The following SPACA7 variants were observed in gnomAD, a reference collection of about 807,000 sequenced individuals.
SPACA7 encodes the protein sperm acrosome associated 7.
SPACA7 carries 19 observed loss-of-function variants against 26.3 expected under a neutral mutation model. That is an observed-to-expected ratio of 0.72 (90% CI 0.50 to 1.06). SPACA7 has a LOEUF of 1.06. SPACA7 is among the 50% of genes least tolerant of loss of function. The pLI, the probability that SPACA7 is intolerant of heterozygous loss-of-function variation, is 0.00. For missense variants in SPACA7, 211 were observed against 229.9 expected, an observed-to-expected ratio of 0.92 and a Z score of 0.53; for synonymous variants, 84 against 84.5, an observed-to-expected ratio of 0.99 and a Z score of 0.04.
intron 5 of SPACA7, among the ~76,000 whole-genome samples, chr13:112,410,235 A>G (rs1174280575): frequency 2.0e-5 from 3 of 152,124 alleles, no homozygotes; most frequent in Admixed American, 1.3e-4. Context: ...GGGATGGGGG[A>G]GGGATAGCAT....
chr13:112,383,490 T>C (rs1884340030), intron 1 of SPACA7, among the ~76,000 whole-genome samples: 1 of 152,252 alleles, frequency 6.6e-6, no homozygotes, highest in Non-Finnish European at 1.5e-5. Context: ...ACTAGAATAA[T>C]TATTTTTCAC....
chr13:112,410,372 A>ATAT (rs1555328390), intron 5 of SPACA7, among the ~76,000 whole-genome samples: 1 of 151,450 alleles, frequency 6.6e-6, no homozygotes, highest in African/African-American at 2.4e-5. Context: ...CAATTAAAAA[A>ATAT]ATATATATAT....
At chr13:112,385,542 T>G (rs1884470875) in intron 1 of SPACA7, among the ~76,000 whole-genome samples, 1 of 152,184 alleles carries the variant, frequency 6.6e-6, no homozygotes, top group Non-Finnish European at 1.5e-5. Flanking sequence ...CCTCTCCACA[T>G]GTCTCCAGGC....
intron 5 of SPACA7, among the ~76,000 whole-genome samples, chr13:112,403,306 G>T (rs1369311244): frequency 6.6e-6 from 1 of 151,876 alleles, no homozygotes; most frequent in Non-Finnish European, 1.5e-5. Context: ...AAACTTACTT[G>T]TTTCCATTGT....
intron 1 of SPACA7, chr13:112,382,246 T>G: frequency 1.8e-6 from 1 of 560,398 alleles, no homozygotes; most frequent in Non-Finnish European, 3.0e-6. Context: ...CTTAATCTTT[T>G]TTGTTGTTTT....
intron 5 of SPACA7, among the ~76,000 whole-genome samples, chr13:112,424,466 G>A (rs1298892982): frequency 6.6e-6 from 1 of 152,178 alleles, no homozygotes; most frequent in Non-Finnish European, 1.5e-5. Context: ...TTTCTCTGAT[G>A]AGAACAGAAT....
chr13:112,387,458 G>A (rs547209722), intron 1 of SPACA7, among the ~76,000 whole-genome samples: 2 of 152,304 alleles, frequency 1.3e-5, no homozygotes, highest in East Asian at 1.9e-4. Flanking sequence ...AACACAGAAA[G>A]ACAAATTCTT....
intron 5 of SPACA7, 94 bp from the exon 6 acceptor site, chr13:112,432,350 C>T (rs1877238783): frequency 1.0e-6 from 1 of 1,001,600 alleles, no homozygotes; most frequent in Non-Finnish European, 1.6e-6. Flanking sequence ...CTGCTTTGCT[C>T]AGCGCTTACG....
rs182353824 is a variant in SPACA7 at position 112,383,881 on chromosome 13, C to T, written c.94+7402C>T. ...CAAAAGAAAACAGATTTTTATTGCA[C>T]TTATGCAATTAACTATACTGCCATA... On this transcript the variant is annotated intron_variant, in intron 1 of 6. Coordinates refer to ENST00000283550, the MANE Select transcript of SPACA7 (RefSeq NM_145248.5). Among the ~76,000 whole-genome samples the T allele has an allele frequency of 2.6e-5, 4 of 152,334 alleles. No homozygotes were observed. In the East Asian group the frequency reaches 5.8e-4, roughly 22 times the overall value.
intron 6 of SPACA7, among the ~76,000 whole-genome samples, chr13:112,433,035 G>C (rs1472252914): frequency 6.6e-6 from 1 of 152,112 alleles, no homozygotes; most frequent in African/African-American, 2.4e-5. Context: ...TTCTGTCCCT[G>C]GCCCCAGGCT....
At chr13:112,397,086 G>A (rs577768950) in intron 2 of SPACA7, among the ~76,000 whole-genome samples, 7 of 152,230 alleles carry the variant, frequency 4.6e-5, no homozygotes, top group South Asian at 4.1e-4. Flanking sequence ...GGGACAGCGC[G>A]GCTGCTGGGT....
chr13:112,424,517 G>T (rs1218660141), intron 5 of SPACA7, among the ~76,000 whole-genome samples: 1 of 152,084 alleles, frequency 6.6e-6, no homozygotes, highest in African/African-American at 2.4e-5. Flanking sequence ...GTGTTGGGGG[G>T]CTTGGTGCTT....
chr13:112,428,450 G>A (rs1876750086), intron 5 of SPACA7, among the ~76,000 whole-genome samples: 1 of 151,954 alleles, frequency 6.6e-6, no homozygotes, highest in Non-Finnish European at 1.5e-5. Flanking sequence ...CTTGGTGGTG[G>A]GCACCAGTAA....
At chr13:112,427,620 A>G (rs1426189098) in intron 5 of SPACA7, among the ~76,000 whole-genome samples, 1 of 152,218 alleles carries the variant, frequency 6.6e-6, no homozygotes, top group Non-Finnish European at 1.5e-5. Flanking sequence ...ATATGAAATG[A>G]ATATTATTTC....
intron 5 of SPACA7, among the ~76,000 whole-genome samples, chr13:112,404,889 T>C (rs1885875466): frequency 6.6e-6 from 1 of 152,144 alleles, no homozygotes; most frequent in Admixed American, 6.5e-5. Flanking sequence ...AGTCTTGCTT[T>C]GGCTATGCAA....
chr13:112,415,843 G>A (rs75469799), intron 5 of SPACA7, among the ~76,000 whole-genome samples: 2,101 of 152,220 alleles, frequency 0.014, 42 homozygotes, highest in African/African-American at 0.049. Context: ...GGTTCATCCT[G>A]CAGGGCAGCG....
At chr13:112,395,779 C>A (rs940375943) in intron 2 of SPACA7, among the ~76,000 whole-genome samples, 1 of 152,214 alleles carries the variant, frequency 6.6e-6, no homozygotes, top group African/African-American at 2.4e-5. Flanking sequence ...CTGGCCACAG[C>A]TGTTTTGATG....
chr13:112,384,334 T>A (rs748401677), intron 1 of SPACA7, among the ~76,000 whole-genome samples: 7 of 152,000 alleles, frequency 4.6e-5, no homozygotes, highest in Non-Finnish European at 1.0e-4. Context: ...ATTAAAATTA[T>A]TACTGATAAC....
chr13:112,416,272 AGTT>A (rs869232647), intron 5 of SPACA7, among the ~76,000 whole-genome samples: 1 of 82,786 alleles, frequency 1.2e-5, no homozygotes, highest in African/African-American at 6.3e-5. Context: ...CTGGATTGTC[AGTT>A]GTTGTTGTTG....
Sources: allele counts gnomAD v4.1 joint callset (sites outside exome capture counted in the v4.1 genomes callset), GRCh38; gene constraint gnomAD v4.1.1; transcripts MANE v1.5; gene names NCBI Gene and HGNC (gene_info 2026-07-23, HGNC 2026-07-21).